Variants in DAAM1 observed in about 807,000 individuals in gnomAD.
DAAM1 encodes the protein dishevelled associated activator of morphogenesis 1.
In DAAM1, 52 loss-of-function variants were observed where a neutral mutation model predicts 130.0. The observed-to-expected ratio is 0.40, with a 90% CI of 0.32 to 0.50. DAAM1 has a LOEUF of 0.50. DAAM1 is among the 20% of genes least tolerant of loss of function. The pLI, the probability that DAAM1 is intolerant of heterozygous loss-of-function variation, is 0.61. For synonymous variants in DAAM1, 452 were observed against 444.5 expected, an observed-to-expected ratio of 1.02 and a Z score of -0.21; for missense variants, 1,134 against 1,303.8, an observed-to-expected ratio of 0.87 and a Z score of 2.01.
At chr14:59,344,579 G>A (rs1322429280) in intron 16 of DAAM1, among the ~76,000 whole-genome samples, 2 of 152,116 alleles carry the variant, frequency 1.3e-5, no homozygotes, top group Non-Finnish European at 2.9e-5. Flanking sequence ...TTTCCCTTAA[G>A]GTAGGGTTTC....
intron 5 of DAAM1, 67 bp from the exon 6 acceptor site, chr14:59,322,825 C>A: frequency 7.5e-7 from 1 of 1,332,086 alleles, no homozygotes; most frequent in Non-Finnish European, 1.0e-6. Flanking sequence ...GCCCTCTAGA[C>A]TTTTCTGTTA....
chr14:59,235,585 A>G (rs1889269961), intron 1 of DAAM1, among the ~76,000 whole-genome samples: 1 of 152,170 alleles, frequency 6.6e-6, no homozygotes, highest in South Asian at 2.1e-4. Context: ...TTTTCAAAAA[A>G]CCAGCTCCTG....
At chr14:59,204,674 G>A (rs1888207008) in intron 1 of DAAM1, among the ~76,000 whole-genome samples, 1 of 152,162 alleles carries the variant, frequency 6.6e-6, no homozygotes, top group South Asian at 2.1e-4. Context: ...GTCATATCAG[G>A]TAACGTACAT....
intron 2 of DAAM1, among the ~76,000 whole-genome samples, chr14:59,276,853 A>C (rs1255545892): frequency 6.6e-6 from 1 of 152,170 alleles, no homozygotes; most frequent in East Asian, 1.9e-4. Context: ...GGCTAACCTC[A>C]AGGGCCTGTC....
chr14:59,370,387 A>T lies in DAAM1; in HGVS notation c.*1528A>T, dbSNP rs1887118319. 1 of 152,152 alleles carries T rather than the reference A, an allele frequency of 6.6e-6. No homozygotes were observed. Among genetic ancestry groups the T allele is most frequent in the Non-Finnish European group, 1.5e-5 (1 of 67,968 alleles). 9.4% of individuals were successfully genotyped at this position (152,152 alleles called of 1,614,324 possible). ...AGGGCTACAATGGTAAGCAAGACAG[A>T]GTCCCTGCCCCCAAAGAGCTTATAT... On this transcript the variant is annotated 3_prime_UTR_variant, in exon 25 of 25. Transcript: ENST00000360909.
At position 59,359,447 on chromosome 14, in the gene DAAM1, C is replaced by T. The variant is rs1205504660; in HGVS notation, c.2576C>T (p.Pro859Leu). The T allele has an allele frequency of 6.2e-7, 1 of 1,613,822 alleles. No homozygotes were observed. Among genetic ancestry groups the T allele is most frequent in the Admixed American group, 1.7e-5 (1 of 60,012 alleles). The change falls in exon 21 of 25, where the codon CCC becomes CTC. Residue 859 changes from proline to leucine, a missense_variant. Coordinates refer to ENST00000360909, the MANE Select transcript of DAAM1 (RefSeq NM_001270520.2). ...YLITIVENKY[P>L]SVLNLNEELR... Reference sequence around the variant, plus strand: ...ATCACTATTGTGGAAAATAAGTACCCCAGTGTTCTCAATCTAAATGAAGAA... The same window carrying T: ...ATCACTATTGTGGAAAATAAGTACCTCAGTGTTCTCAATCTAAATGAAGAA...
At chr14:59,291,896 G>T (rs550637912) in intron 3 of DAAM1, among the ~76,000 whole-genome samples, 5 of 152,264 alleles carry the variant, frequency 3.3e-5, no homozygotes, top group Admixed American at 2.0e-4. Context: ...TTTATTCTGG[G>T]CAGTCACTTC....
intron 2 of DAAM1, among the ~76,000 whole-genome samples, chr14:59,280,394 C>T (rs948737241): frequency 6.6e-6 from 1 of 152,090 alleles, no homozygotes; most frequent in African/African-American, 2.4e-5. Context: ...ATGATCACAC[C>T]ACTGCACTCC....
At chr14:59,210,862 TATG>T (rs1888405659) in intron 1 of DAAM1, among the ~76,000 whole-genome samples, 1 of 152,166 alleles carries the variant, frequency 6.6e-6, no homozygotes, top group Admixed American at 6.6e-5. Context: ...ATCCAAATAT[TATG>T]AGGAGAGAGG....
intron 4 of DAAM1, among the ~76,000 whole-genome samples, chr14:59,315,871 G>A (rs1020649561): frequency 1.1e-4 from 17 of 152,128 alleles, no homozygotes; most frequent in Middle Eastern, 3.2e-3. Context: ...ATGAAAAGGC[G>A]TCATAATAAT....
At chr14:59,368,053 GTTTTT>G (rs1566513613) in intron 24 of DAAM1, among the ~76,000 whole-genome samples, 1 of 151,972 alleles carries the variant, frequency 6.6e-6, no homozygotes, top group South Asian at 2.1e-4. Flanking sequence ...TTTCTGTTTT[GTTTTT>G]TAAGGTGTGT....
rs376482720 is a variant in DAAM1 at position 59,347,587 on chromosome 14, C to T, written c.2124C>T (p.Asp708=). 1.1e-5 allele frequency: 18 copies of T among 1,613,694 alleles called. No individual in the cohort carries two copies. The highest frequency in any genetic ancestry group is 2.2e-5 in the East Asian group (1 of 44,848). ...DEIKRAILTM[D]EQEDLPKDML... ...TCAAACGGGCAATTCTAACAATGGA[C>T]GAACAGGAAGATCTGCCCAAGGACA... Residue 708 remains aspartate, a synonymous_variant, in exon 17 of 25, where the codon GAC becomes GAT. Transcript: ENST00000360909.
chr14:59,335,987 A>T (rs1885613336), intron 15 of DAAM1, among the ~76,000 whole-genome samples: 1 of 151,704 alleles, frequency 6.6e-6, no homozygotes, highest in Admixed American at 6.6e-5. Context: ...GCCATGGCAC[A>T]TGAAAACAGA....
At chr14:59,301,111 T>C (rs897778038) in intron 3 of DAAM1, among the ~76,000 whole-genome samples, 4 of 152,160 alleles carry the variant, frequency 2.6e-5, no homozygotes, top group Non-Finnish European at 2.9e-5. Context: ...ATCTCATTGC[T>C]CGATCAATCA....
At chr14:59,367,299 G>GAAAT in intron 23 of DAAM1, 130 bp from the exon 24 acceptor site, 2 of 1,406,334 alleles carry the variant, frequency 1.4e-6, no homozygotes, top group East Asian at 2.6e-5. Flanking sequence ...AAGAAAGAAA[G>GAAAT]AAATAAAAAT....
chr14:59,272,645 ATG>A (rs776032618), intron 2 of DAAM1, among the ~76,000 whole-genome samples: 1 of 150,238 alleles, frequency 6.7e-6, no homozygotes, highest in East Asian at 1.9e-4. Context: ...ACACATATAT[ATG>A]TATGTATGTA....
chr14:59,239,473 C>T (rs772906905), intron 1 of DAAM1, among the ~76,000 whole-genome samples: 3 of 152,188 alleles, frequency 2.0e-5, no homozygotes, highest in East Asian at 1.9e-4. Context: ...TTATTCACCA[C>T]GCTCTTACCT....
intron 15 of DAAM1, 60 bp downstream of exon 15, chr14:59,331,980 C>T (rs1885460914): frequency 3.5e-6 from 5 of 1,411,450 alleles, no homozygotes; most frequent in African/African-American, 1.4e-5. Context: ...TATGCATGAT[C>T]TCTGGCCCAT....
intron 4 of DAAM1, among the ~76,000 whole-genome samples, chr14:59,319,855 C>A (rs1884938760): frequency 6.6e-6 from 1 of 152,114 alleles, no homozygotes; most frequent in African/African-American, 2.4e-5. Context: ...TTAACACTAT[C>A]CTCAGGTGAT....
Sources: gnomAD v4.1 joint callset for allele counts (sites outside exome capture counted in the v4.1 genomes callset) on GRCh38, gnomAD v4.1.1 for gene constraint, MANE v1.5 for transcripts, NCBI Gene and HGNC (gene_info 2026-07-23, HGNC 2026-07-21) for gene names.